The following LUZP2 variants were observed in gnomAD, a reference collection of about 807,000 sequenced individuals.
LUZP2 encodes the protein leucine zipper protein 2.
In LUZP2, 52 loss-of-function variants were observed where a neutral mutation model predicts 51.6. That is an observed-to-expected ratio of 1.01 (90% CI 0.81 to 1.27). LUZP2 has a LOEUF of 1.27. LUZP2 is among the 50% of genes most tolerant of loss of function. The pLI, the probability that LUZP2 is intolerant of heterozygous loss-of-function variation, is 0.00. For missense variants in LUZP2, 436 were observed against 395.4 expected, an observed-to-expected ratio of 1.10 and a Z score of -0.87; for synonymous variants, 154 against 137.3, an observed-to-expected ratio of 1.12 and a Z score of -0.85.
chr11:24,705,618 A>G (rs1857554204), intron 1 of LUZP2, among the ~76,000 whole-genome samples: 1 of 152,224 alleles, frequency 6.6e-6, no homozygotes, highest in South Asian at 2.1e-4. Flanking sequence ...CCCAGGCTTC[A>G]GAACAGAAAG....
At position 24,797,666 on chromosome 11, in the gene LUZP2, G is replaced by T. The variant is rs78457078; in HGVS notation, c.396+34358G>T. On this transcript the variant is annotated intron_variant, in intron 5 of 11. Coordinates refer to ENST00000336930, the MANE Select transcript of LUZP2 (RefSeq NM_001009909.4). ...AAATGCTCCCCATCTATTCATACAG[G>T]ATAACTTAGGGGAAACATATTTTGT... Among the ~76,000 whole-genome samples, 216 of 152,230 alleles carry T rather than the reference G, an allele frequency of 1.4e-3. 2 individuals carry two copies. In the East Asian group the frequency reaches 0.033, roughly 23 times the overall value.
intron 1 of LUZP2, among the ~76,000 whole-genome samples, chr11:24,604,303 T>A (rs1168482001): frequency 2.0e-5 from 3 of 151,872 alleles, no homozygotes; most frequent in Non-Finnish European, 4.4e-5. Flanking sequence ...TGGATAAATT[T>A]ATTCATTCAA....
chr11:24,691,144 T>G (rs757594426), intron 1 of LUZP2, among the ~76,000 whole-genome samples: 94 of 152,128 alleles, frequency 6.2e-4, no homozygotes, highest in South Asian at 1.2e-3. Context: ...ACATGTGTAT[T>G]GCCACATGTT....
Position 24,541,900 on chromosome 11 carries a change from T to C in LUZP2, c.62+44595T>C, listed in dbSNP as rs1851377469. On this transcript the variant is annotated intron_variant, in intron 1 of 11. Coordinates refer to ENST00000336930, the MANE Select transcript of LUZP2 (RefSeq NM_001009909.4). Reference sequence around the variant, plus strand: ...TCCTCAGCATAACTTCTTACTTCTATTTATATAAGAAAAAAAAAACACCTG... The same window carrying C: ...TCCTCAGCATAACTTCTTACTTCTACTTATATAAGAAAAAAAAAACACCTG... 2.1e-5 allele frequency among the ~76,000 whole-genome samples: 3 copies of C among 142,220 alleles called. No individual in the cohort carries two copies. In the Admixed American group the frequency reaches 2.1e-4, roughly 10 times the overall value. 93.3% of individuals were successfully genotyped at this position (142,220 alleles called of 152,430 possible).
chr11:24,514,368 A>C (rs10834361), intron 1 of LUZP2, among the ~76,000 whole-genome samples: 30,610 of 152,158 alleles, frequency 0.2, 3,615 homozygotes, highest in African/African-American at 0.33. Flanking sequence ...CAGAATAAGT[A>C]ATTTGCTTTA....
At chr11:24,948,086 G>A (rs369780594) in intron 7 of LUZP2, among the ~76,000 whole-genome samples, 17 of 151,714 alleles carry the variant, frequency 1.1e-4, no homozygotes, top group African/African-American at 3.6e-4. Flanking sequence ...TCCCACATTT[G>A]AGGCATTGCT....
intron 4 of LUZP2, among the ~76,000 whole-genome samples, chr11:24,755,816 A>G (rs1304262489): frequency 6.6e-6 from 1 of 152,212 alleles, no homozygotes; most frequent in East Asian, 1.9e-4. Flanking sequence ...TGACAAATAA[A>G]GAAGGAAATC....
chr11:24,829,840 A>T (rs1255230484), intron 5 of LUZP2, among the ~76,000 whole-genome samples: 1 of 152,218 alleles, frequency 6.6e-6, no homozygotes, highest in African/African-American at 2.4e-5. Flanking sequence ...TGATTTGATA[A>T]GTCCAGAGTT....
At chr11:24,749,073 T>C (rs1317007637) in intron 4 of LUZP2, among the ~76,000 whole-genome samples, 1 of 152,198 alleles carries the variant, frequency 6.6e-6, no homozygotes, top group East Asian at 1.9e-4. Flanking sequence ...CGTTAACAAA[T>C]GTACATAGCC....
At chr11:24,800,084 T>C (rs1425506049) in intron 5 of LUZP2, among the ~76,000 whole-genome samples, 1 of 152,304 alleles carries the variant, frequency 6.6e-6, no homozygotes, top group Non-Finnish European at 1.5e-5. Context: ...CGGTCCTTTG[T>C]CTTCCTCCCC....
intron 9 of LUZP2, among the ~76,000 whole-genome samples, chr11:25,005,933 G>A (rs556985080): frequency 1.3e-5 from 2 of 152,156 alleles, no homozygotes; most frequent in South Asian, 2.1e-4. Flanking sequence ...AAGATGTTAT[G>A]CCCCAAAAAT....
At chr11:24,612,263 T>C (rs374620283) in intron 1 of LUZP2, among the ~76,000 whole-genome samples, 31 of 152,296 alleles carry the variant, frequency 2.0e-4, no homozygotes, top group East Asian at 1.2e-3. Context: ...CTATCAGAGA[T>C]AGAAAATGCA....
chr11:24,532,777 A>G (rs183318822), intron 1 of LUZP2, among the ~76,000 whole-genome samples: 35 of 151,214 alleles, frequency 2.3e-4, no homozygotes, highest in African/African-American at 8.0e-4. Context: ...AAGTTAAAAT[A>G]TTAAGGTTTC....
chr11:24,898,441 G>A (rs930472961), intron 5 of LUZP2, among the ~76,000 whole-genome samples: 5 of 152,142 alleles, frequency 3.3e-5, no homozygotes, highest in Non-Finnish European at 5.9e-5. Flanking sequence ...TGACTAACAC[G>A]GTGAAACCCC....
At chr11:25,067,819 G>C (rs1417879242) in intron 10 of LUZP2, among the ~76,000 whole-genome samples, 1 of 151,722 alleles carries the variant, frequency 6.6e-6, no homozygotes, top group Non-Finnish European at 1.5e-5. Context: ...CCATTACTAT[G>C]TACCCGAAGG....
At chr11:24,912,418 GAATC>G (rs556605510) in intron 6 of LUZP2, among the ~76,000 whole-genome samples, 9 of 151,978 alleles carry the variant, frequency 5.9e-5, no homozygotes, top group Admixed American at 2.0e-4. Context: ...GTTTCCACTT[GAATC>G]AATCATACTT....
At chr11:25,017,201 T>A (rs2133967887) in intron 9 of LUZP2, among the ~76,000 whole-genome samples, 1 of 152,290 alleles carries the variant, frequency 6.6e-6, no homozygotes, top group East Asian at 1.9e-4. Flanking sequence ...AGTTTGCAAA[T>A]ATTTCTCCCA....
chr11:24,729,228 T>C lies in LUZP2; in HGVS notation c.122T>C (p.Ile41Thr). Reference protein sequence around the residue: ...LKEVFKERSTILRQLTKTSRE... With the variant: ...LKEVFKERSTTLRQLTKTSRE... ...GAAGTCTTTAAGGAGCGAAGCACCA[T>C]TCTTCGTCAGCTGACAAAGACATCA... is the stretch of plus-strand genomic sequence containing the variant. The change falls in exon 2 of 12, where the codon ATT (isoleucine) becomes ACT (threonine). Residue 41 changes from isoleucine to threonine, a missense_variant. Physicochemically the swap from Ile to Thr is moderately conservative, Grantham distance 89 (BLOSUM62 -1). Coordinates refer to ENST00000336930, the MANE Select transcript of LUZP2 (RefSeq NM_001009909.4). The C allele has an allele frequency of 6.3e-7, 1 of 1,579,248 alleles. No homozygotes were observed. The highest frequency in any genetic ancestry group is 8.6e-7 in the Non-Finnish European group (1 of 1,156,560).
chr11:24,501,325 C>G (rs547959921), intron 1 of LUZP2, among the ~76,000 whole-genome samples: 3 of 152,254 alleles, frequency 2.0e-5, no homozygotes, highest in African/African-American at 7.2e-5. Flanking sequence ...TAAATTTTCT[C>G]TGTGATTAAT....
Sources: allele counts gnomAD v4.1 joint callset (sites outside exome capture counted in the v4.1 genomes callset), GRCh38; gene constraint gnomAD v4.1.1; transcripts MANE v1.5; gene names NCBI Gene and HGNC (gene_info 2026-07-23, HGNC 2026-07-21).